Variants in CDKAL1 observed in about 807,000 individuals in gnomAD.
CDKAL1 encodes threonylcarbamoyladenosine tRNA methylthiotransferase.
In CDKAL1, 32 loss-of-function variants were observed where a neutral mutation model predicts 68.2. The observed-to-expected ratio is 0.47, with a 90% CI of 0.35 to 0.63. CDKAL1 has a LOEUF of 0.63. CDKAL1 is among the 30% of genes least tolerant of loss of function. CDKAL1 has a pLI of 0.00. For missense variants in CDKAL1, 606 were observed against 696.7 expected, an observed-to-expected ratio of 0.87 and a Z score of 1.47; for synonymous variants, 234 against 244.3, an observed-to-expected ratio of 0.96 and a Z score of 0.39.
intron 5 of CDKAL1, among the ~76,000 whole-genome samples, chr6:20,681,985 T>C (rs1770398285): frequency 6.6e-6 from 1 of 152,258 alleles, no homozygotes; most frequent in Admixed American, 6.5e-5. Flanking sequence ...TGGCAAGTTA[T>C]AGCTGTGTCC....
intron 5 of CDKAL1, among the ~76,000 whole-genome samples, chr6:20,660,860 G>A (rs147711287): frequency 6.6e-6 from 1 of 152,108 alleles, no homozygotes; most frequent in Non-Finnish European, 1.5e-5. Flanking sequence ...ATTGTAAGTT[G>A]TATAAGTAAT....
intron 9 of CDKAL1, among the ~76,000 whole-genome samples, chr6:20,856,423 A>G (rs1759342181): frequency 6.6e-6 from 1 of 152,226 alleles, no homozygotes; most frequent in Non-Finnish European, 1.5e-5. Context: ...CTGTTCCAGC[A>G]CAATTGAATG....
chr6:21,176,090 A>C (rs982351214), intron 13 of CDKAL1, among the ~76,000 whole-genome samples: 1 of 152,224 alleles, frequency 6.6e-6, no homozygotes, highest in Non-Finnish European at 1.5e-5. Context: ...TTGAGTATTG[A>C]ACTGGCTAAT....
chr6:21,003,287 C>A (rs1050373761), intron 11 of CDKAL1, among the ~76,000 whole-genome samples: 2 of 144,822 alleles, frequency 1.4e-5, no homozygotes, highest in African/African-American at 5.1e-5. Flanking sequence ...GGGTGGATCA[C>A]CTGAGGTCAG....
intron 10 of CDKAL1, among the ~76,000 whole-genome samples, chr6:20,983,589 C>T (rs12193382): frequency 0.21 from 32,078 of 151,982 alleles, 3,514 homozygotes; most frequent in Admixed American, 0.27. Flanking sequence ...GGCATAGTGG[C>T]GCACATCTAT....
intron 4 of CDKAL1, among the ~76,000 whole-genome samples, chr6:20,612,641 A>G (rs1172943536): frequency 6.6e-6 from 1 of 151,876 alleles, no homozygotes. Flanking sequence ...CCGCTTATTA[A>G]TTCTTTGTCA....
chr6:20,751,052 G>A (rs1439405959), intron 6 of CDKAL1, among the ~76,000 whole-genome samples: 1 of 150,282 alleles, frequency 6.7e-6, no homozygotes, highest in African/African-American at 2.5e-5. Context: ...TGCACGTGAA[G>A]TGTCAGTGTA....
chr6:21,155,857 G>A (rs1036654452), intron 13 of CDKAL1, among the ~76,000 whole-genome samples: 3 of 152,134 alleles, frequency 2.0e-5, no homozygotes, highest in Non-Finnish European at 4.4e-5. Flanking sequence ...ACGGATCTGA[G>A]TAAACATAAA....
Position 21,054,373 on chromosome 6 carries a change from T to G in CDKAL1, c.1056-10675T>G, listed in dbSNP as rs141384160. Among the ~76,000 whole-genome samples, 221 of 152,002 alleles carry G rather than the reference T, an allele frequency of 1.5e-3. 2 individuals carry two copies. The highest frequency in any genetic ancestry group is 2.5e-3 in the Non-Finnish European group (169 of 67,936). ...ATTATTGGAGCTTTATAGTTAGTCT[T>G]TAAAACAGGTTCATTTATTCCACCA... On this transcript the variant is annotated intron_variant, in intron 11 of 15. Transcript: ENST00000274695.
chr6:20,890,877 A>G (rs1398381189), intron 9 of CDKAL1, among the ~76,000 whole-genome samples: 1 of 152,224 alleles, frequency 6.6e-6, no homozygotes, highest in Non-Finnish European at 1.5e-5. Context: ...TAGTAACGTA[A>G]GATAATACTA....
At chr6:20,568,745 A>AC (rs200386963) in intron 4 of CDKAL1, among the ~76,000 whole-genome samples, 5,219 of 102,984 alleles carry the variant, frequency 0.051, 358 homozygotes, top group African/African-American at 0.14. Flanking sequence ...AAAAAAAAAA[A>AC]AAAAACAAAA....
At chr6:20,960,819 C>T (rs957909534) in intron 10 of CDKAL1, among the ~76,000 whole-genome samples, 7 of 152,198 alleles carry the variant, frequency 4.6e-5, no homozygotes, top group Non-Finnish European at 4.4e-5. Context: ...AGGGATTCAT[C>T]TAAGGGATGC....
At chr6:20,722,613 C>T (rs994080765) in intron 5 of CDKAL1, 15 of 207,826 alleles carry the variant, frequency 7.2e-5, no homozygotes, top group African/African-American at 2.8e-4. Flanking sequence ...AGACAGGGGC[C>T]GGACCCTGGT....
chr6:20,894,391 C>CTTTTTTTTTTTTTTTTTTTTTTTTT (rs5874793), intron 9 of CDKAL1, among the ~76,000 whole-genome samples: 1 of 124,092 alleles, frequency 8.1e-6, no homozygotes. Context: ...ACCCCACATA[C>CTTTTTTTTTTTTTTTTTTTTTTTTT]TTTTTTTTTT....
chr6:20,547,686 A>C lies in CDKAL1; in HGVS notation c.174-907A>C, dbSNP rs113499728. ...TATATTTTAATGACTGAAGTTTATA[A>C]AATTTGTCCTAAATGTGTCCTTAAG... On this transcript the variant is annotated intron_variant, in intron 3 of 15. Transcript: ENST00000274695. 2.3e-3 allele frequency among the ~76,000 whole-genome samples: 346 copies of C among 152,256 alleles called. 1 individual carries two copies. Among genetic ancestry groups the C allele is most frequent in the Non-Finnish European group, 3.8e-3 (258 of 68,018 alleles).
Position 21,227,191 on chromosome 6 carries a change from G to A in CDKAL1, c.1549-3657G>A, listed in dbSNP as rs116542282. Among the ~76,000 whole-genome samples the A allele has an allele frequency of 9.3e-3, 1,412 of 152,114 alleles. 22 individuals are homozygous for A. The highest frequency in any genetic ancestry group is 0.03 in the African/African-American group (1,228 of 41,498). ...CGTGTGTGTGTCGACTTTTTCTATC[G>A]GCTGTTTATAATCACTTCGCCTATA... On this transcript the variant is annotated intron_variant, in intron 15 of 15. Coordinates refer to ENST00000274695, the MANE Select transcript of CDKAL1 (RefSeq NM_017774.3).
chr6:20,883,152 A>G (rs1360526754), intron 9 of CDKAL1, among the ~76,000 whole-genome samples: 2 of 152,212 alleles, frequency 1.3e-5, no homozygotes, highest in African/African-American at 4.8e-5. Flanking sequence ...GGGCCCACCT[A>G]TAATTCTTCC....
chr6:21,217,728 C>A (rs1402687970), intron 15 of CDKAL1, among the ~76,000 whole-genome samples: 1 of 152,142 alleles, frequency 6.6e-6, no homozygotes, highest in Non-Finnish European at 1.5e-5. Context: ...GAACTCCTGA[C>A]CTCAAGTGAT....
intron 9 of CDKAL1, among the ~76,000 whole-genome samples, chr6:20,924,454 T>C (rs979171054): frequency 8.6e-5 from 13 of 150,322 alleles, no homozygotes; most frequent in East Asian, 4.0e-4. Flanking sequence ...ATGTTGTGAA[T>C]GCAAAAGAGA....
Sources: allele counts gnomAD v4.1 joint callset (sites outside exome capture counted in the v4.1 genomes callset), GRCh38; gene constraint gnomAD v4.1.1; transcripts MANE v1.5; gene names NCBI Gene and HGNC (gene_info 2026-07-23, HGNC 2026-07-21).